The following SYN3 variants were observed in gnomAD, a reference collection of about 807,000 sequenced individuals.
The protein encoded by SYN3 is synapsin III.
SYN3 carries 35 observed loss-of-function variants against 65.8 expected under a neutral mutation model. The observed-to-expected ratio is 0.53, with a 90% confidence interval of 0.41 to 0.70. The LOEUF (loss-of-function observed/expected upper bound fraction) is 0.70, where lower values mean the gene tolerates loss of function less well. Among genes scored for constraint, SYN3 ranks in the 30% least tolerant of loss-of-function variants. The probability of loss-of-function intolerance (pLI) is 0.00; values close to 1 mark genes in which losing one functional copy is unlikely to be tolerated. For synonymous variants in SYN3, 270 were observed against 292.9 expected (o/e 0.92, Z 0.80); for missense variants, 680 against 749.0 (o/e 0.91, Z 1.08).
intron 6 of SYN3, among the ~76,000 whole-genome samples, chr22:32,787,996 TGGACAGCC>T (rs1569225192): frequency 6.6e-6 from 1 of 152,040 alleles, no homozygotes; most frequent in African/African-American, 2.4e-5. Context: ...GGGAGAGACA[TGGACAGCC>T]ACAGCAGGGG....
At chr22:33,031,541 T>C (rs1443007540) in intron 1 of SYN3, among the ~76,000 whole-genome samples, 1 of 152,042 alleles carries the variant, frequency 6.6e-6, no homozygotes, top group Non-Finnish European at 1.5e-5. Context: ...TTCTCCCTGT[T>C]TACTCTTCAC....
chr22:32,598,101 C>T (rs1258165692), intron 6 of SYN3, among the ~76,000 whole-genome samples: 1 of 152,176 alleles, frequency 6.6e-6, no homozygotes, highest in African/African-American at 2.4e-5. Flanking sequence ...CCATTCCCAA[C>T]TGGGGGCCAT....
At chr22:32,575,969 A>T (rs953956644) in intron 7 of SYN3, among the ~76,000 whole-genome samples, 1 of 152,226 alleles carries the variant, frequency 6.6e-6, no homozygotes, top group East Asian at 1.9e-4. Flanking sequence ...ATGTGAGTAC[A>T]TTGAGATTAA....
chr22:32,630,976 C>T (rs1048676975), intron 6 of SYN3, among the ~76,000 whole-genome samples: 2 of 152,204 alleles, frequency 1.3e-5, no homozygotes, highest in East Asian at 3.8e-4. Flanking sequence ...CTAATGCTAA[C>T]CTCAGCCAGA....
At chr22:32,541,540 C>G (rs761425481) in intron 8 of SYN3, 31 bp downstream of exon 8, 10 of 1,612,714 alleles carry the variant, frequency 6.2e-6, no homozygotes, top group Non-Finnish European at 8.5e-6. Flanking sequence ...CTTCCTCCCA[C>G]ACTCCCCCAG....
chr22:32,580,579 G>T (rs1043562134), intron 7 of SYN3, among the ~76,000 whole-genome samples: 2 of 152,114 alleles, frequency 1.3e-5, no homozygotes, highest in Non-Finnish European at 1.5e-5. Flanking sequence ...CGGGAGTCTT[G>T]GAATGTATCC....
intron 6 of SYN3, among the ~76,000 whole-genome samples, chr22:32,851,260 G>A (rs941379847): frequency 1.3e-5 from 2 of 152,142 alleles, no homozygotes; most frequent in African/African-American, 2.4e-5. Context: ...TCCTCATTAC[G>A]AGACACTCGG....
chr22:32,934,502 G>C (rs1569338080), intron 3 of SYN3, among the ~76,000 whole-genome samples: 1 of 152,160 alleles, frequency 6.6e-6, no homozygotes, highest in Non-Finnish European at 1.5e-5. Context: ...CAAGCAGAAA[G>C]GTGGCCTAGC....
intron 6 of SYN3, among the ~76,000 whole-genome samples, chr22:32,782,869 C>T (rs891592235): frequency 2.0e-5 from 3 of 152,180 alleles, no homozygotes; most frequent in Non-Finnish European, 2.9e-5. Flanking sequence ...TATGGATCTG[C>T]GCCCTGAAGG....
chr22:32,550,013 A>C (rs1277394585), intron 7 of SYN3, among the ~76,000 whole-genome samples: 2 of 152,212 alleles, frequency 1.3e-5, no homozygotes, highest in Admixed American at 1.3e-4. Flanking sequence ...TGTTTTTATA[A>C]TTTTGGCTTT....
chr22:32,604,475 T>C (rs1418825292), intron 6 of SYN3, among the ~76,000 whole-genome samples: 1 of 150,912 alleles, frequency 6.6e-6, no homozygotes. Context: ...CCTGTTTCCC[T>C]GAGATACCCT....
chr22:32,888,451 A>T (rs927003395), intron 4 of SYN3, among the ~76,000 whole-genome samples: 49 of 152,230 alleles, frequency 3.2e-4, no homozygotes, highest in African/African-American at 1.1e-3. Context: ...ACCACGTTAC[A>T]TCCCCAACAG....
intron 3 of SYN3, among the ~76,000 whole-genome samples, chr22:32,956,903 A>G (rs1042180304): frequency 6.6e-6 from 1 of 152,202 alleles, no homozygotes; most frequent in Non-Finnish European, 1.5e-5. Context: ...ACATCAGTGC[A>G]CAAAGGTTCC....
intron 6 of SYN3, among the ~76,000 whole-genome samples, chr22:32,849,194 T>C (rs2146242625): frequency 6.6e-6 from 1 of 152,314 alleles, no homozygotes; most frequent in Admixed American, 6.5e-5. Flanking sequence ...GGGTTGACTA[T>C]AGCCTTGGAA....
chr22:32,882,615 T>G (rs1255874699), intron 4 of SYN3, among the ~76,000 whole-genome samples: 1 of 152,120 alleles, frequency 6.6e-6, no homozygotes, highest in Admixed American at 6.5e-5. Context: ...ACACGGCAGA[T>G]GCAAGTAGCC....
chr22:32,924,757 A>G (rs969809148), intron 4 of SYN3, among the ~76,000 whole-genome samples: 2 of 152,182 alleles, frequency 1.3e-5, no homozygotes, highest in African/African-American at 4.8e-5. Context: ...AACAAGAGAA[A>G]TTTATTCTCT....
At chr22:32,813,536 CGT>C (rs1231172505) in intron 6 of SYN3, among the ~76,000 whole-genome samples, 13 of 143,370 alleles carry the variant, frequency 9.1e-5, no homozygotes, top group African/African-American at 2.8e-4. Flanking sequence ...CACACACACA[CGT>C]GGACCAAACA....
At chr22:32,877,734 C>T (rs527703876) in intron 4 of SYN3, among the ~76,000 whole-genome samples, 2 of 152,180 alleles carry the variant, frequency 1.3e-5, no homozygotes, top group Admixed American at 1.3e-4. Context: ...CTCGAAGACA[C>T]CCTCCGCCCT....
At chr22:32,973,609 G>A (rs1006682165) in intron 3 of SYN3, among the ~76,000 whole-genome samples, 2 of 152,106 alleles carry the variant, frequency 1.3e-5, no homozygotes, top group South Asian at 2.1e-4. Flanking sequence ...TGTAGACCAA[G>A]TTGAAATCCA....
Sources: gnomAD v4.1 joint callset for allele counts (sites outside exome capture counted in the v4.1 genomes callset) on GRCh38, gnomAD v4.1.1 for gene constraint, MANE v1.5 for transcripts, NCBI Gene and HGNC (gene_info 2026-07-23, HGNC 2026-07-21) for gene names.